STAG3: variants seen among roughly 807,000 people sequenced by gnomAD.
The protein encoded by STAG3 is STAG3 cohesin complex component.
A neutral mutation model predicts 160.7 loss-of-function variants in STAG3; 101 were observed. That is an observed-to-expected ratio of 0.63 (90% confidence interval 0.54 to 0.74). STAG3 has a LOEUF of 0.74. STAG3 is among the 30% of genes least tolerant of loss of function. The probability of loss-of-function intolerance (pLI) is 0.00; values close to 1 mark genes in which losing one functional copy is unlikely to be tolerated. For synonymous variants in STAG3, 519 were observed against 585.0 expected (o/e 0.89, Z 1.63); for missense variants, 1,188 against 1,517.4 (o/e 0.78, Z 3.61).
chr7:100,211,927 C>T, intron 32 of STAG3, 51 bp downstream of exon 32: 1 of 1,558,196 alleles, frequency 6.4e-7, no homozygotes, highest in South Asian at 1.1e-5. Context: ...GCTGATGTGC[C>T]AAAGAGAAGC....
At chr7:100,190,990 A>G (rs1023271899) in intron 8 of STAG3, among the ~76,000 whole-genome samples, 2 of 152,174 alleles carry the variant, frequency 1.3e-5, no homozygotes, top group African/African-American at 4.8e-5. Context: ...CGAAAATGAT[A>G]TGTTGTTCTT....
Position 100,199,041 on chromosome 7 carries a change from G to T in STAG3, c.1467+84G>T. On this transcript the variant is annotated intron_variant, in intron 14 of 33. Coordinates refer to ENST00000615138, the MANE Select transcript of STAG3 (RefSeq NM_001282717.2). ...TTGGTGGCTCACGCCTGTAAGCCCAGCACTTTGGGAGGCTGAGGTGGGAGG... is the reference window on the plus strand; with the variant it reads ...TTGGTGGCTCACGCCTGTAAGCCCATCACTTTGGGAGGCTGAGGTGGGAGG... 3 of 1,289,886 alleles carry T rather than the reference G, an allele frequency of 2.3e-6. No homozygotes were observed. In the South Asian group the frequency reaches 3.6e-5, roughly 15 times the overall value. 79.9% of individuals were successfully genotyped at this position (1,289,886 alleles called of 1,614,324 possible). A position where few individuals can be genotyped will look rare whatever the true frequency, so the allele number is the denominator to read the frequency against.
chr7:100,215,821 C>G (rs1026283825), downstream of STAG3, among the ~76,000 whole-genome samples: 9 of 152,124 alleles, frequency 5.9e-5, no homozygotes, highest in Non-Finnish European at 1.2e-4. Context: ...CTTTGTGATG[C>G]TTGACTAATA....
At chr7:100,211,604 G>T in intron 31 of STAG3, 65 bp downstream of exon 31, 1 of 1,562,614 alleles carries the variant, frequency 6.4e-7, no homozygotes, top group South Asian at 1.1e-5. Context: ...GGGGATTCCT[G>T]TCTCACCCAT....
intron 30 of STAG3, 95 bp from the exon 31 acceptor site, chr7:100,211,340 T>A: frequency 6.7e-7 from 1 of 1,499,298 alleles, no homozygotes; most frequent in South Asian, 1.2e-5. Context: ...TTAAAATGCA[T>A]CTCTCTGAGC....
chr7:100,208,477 G>C (rs1801866089), intron 29 of STAG3, among the ~76,000 whole-genome samples: 1 of 152,190 alleles, frequency 6.6e-6, no homozygotes, highest in Non-Finnish European at 1.5e-5. Context: ...TTCAGAGAAT[G>C]ATGAGAGCTT....
intron 8 of STAG3, among the ~76,000 whole-genome samples, chr7:100,192,964 A>T (rs375334958): frequency 6.6e-6 from 1 of 152,146 alleles, no homozygotes; most frequent in African/African-American, 2.4e-5. Context: ...TATGAAATGT[A>T]TTTCTGAAAT....
At position 100,180,624 on chromosome 7, in the gene STAG3, C is replaced by T. The variant is rs750661592; in HGVS notation, c.68C>T (p.Ser23Phe). 3.7e-6 allele frequency: 6 copies of T among 1,613,704 alleles called. No homozygotes were observed. The highest frequency in any genetic ancestry group is 3.3e-5 in the South Asian group (3 of 91,078). The change falls in exon 2 of 34, where the codon TCT becomes TTT. Residue 23 changes from serine (S) to phenylalanine (F), a missense_variant. By Grantham distance (155) the Ser-to-Phe change is radical (BLOSUM62 -2). This residue lies in a region of STAG3 where 296 missense variants were observed against 404.0 expected (regional missense o/e 0.73). Coordinates refer to ENST00000615138, the MANE Select transcript of STAG3 (RefSeq NM_001282717.2). ...KRALSASSSS[S>F]ASLPFDDRDS... ...GCCTTGTCTGCATCTTCTAGTTCCT[C>T]TGCCAGTCTACCCTTTGATGACAGG...
chr7:100,211,705 TC>T (rs1428241956), intron 31 of STAG3, 89 bp from the exon 32 acceptor site: 3 of 1,460,784 alleles, frequency 2.1e-6, no homozygotes. Context: ...TACTTACTGC[TC>T]CCCACTTCCC....
At chr7:100,187,794 T>A (rs1260408488) in intron 5 of STAG3, among the ~76,000 whole-genome samples, 2 of 151,318 alleles carry the variant, frequency 1.3e-5, no homozygotes, top group East Asian at 3.9e-4. Flanking sequence ...GTCTCACTTG[T>A]TGCCCAGGCT....
intron 10 of STAG3, 149 bp downstream of exon 10, chr7:100,197,428 C>A: frequency 1.8e-6 from 2 of 1,091,796 alleles, no homozygotes; most frequent in Non-Finnish European, 2.8e-6. Flanking sequence ...ATTCCCCTAG[C>A]ACTGGGGAGA....
rs1228534762 is a variant in STAG3, at chr7:100,211,849, A to C, written c.3573A>C (p.Ser1191=). The change falls in exon 32 of 34, where the codon TCA becomes TCC. Residue 1191 remains serine, a synonymous_variant. Coordinates refer to ENST00000615138, the MANE Select transcript of STAG3 (RefSeq NM_001282717.2). ...AAGAGTTAGAAATCCAGGATGAGTC[A>C]AATGAAGAACGGCAGGATACAGACA... ...EEEELEIQDE[S]NEERQDTDMQ... 1 of 1,614,152 alleles carries C rather than the reference A, an allele frequency of 6.2e-7. No homozygotes were observed. Among genetic ancestry groups the C allele is most frequent in the Non-Finnish European group, 8.5e-7 (1 of 1,180,022 alleles).
chr7:100,199,757 T>C, intron 16 of STAG3, 113 bp downstream of exon 16: 1 of 846,740 alleles, frequency 1.2e-6, no homozygotes, highest in Non-Finnish European at 1.8e-6. Flanking sequence ...TTAAAGAATT[T>C]CATTTCCAGA....
At chr7:100,211,961 T>C in intron 32 of STAG3, 85 bp downstream of exon 32, 2 of 1,258,784 alleles carry the variant, frequency 1.6e-6, no homozygotes, top group East Asian at 2.4e-5. Flanking sequence ...CTCTCTCCGC[T>C]CGGTGATGCC....
intron 29 of STAG3, among the ~76,000 whole-genome samples, chr7:100,208,314 A>G (rs1348549345): frequency 2.0e-5 from 3 of 152,184 alleles, no homozygotes; most frequent in Non-Finnish European, 4.4e-5. Flanking sequence ...GACCTACTAT[A>G]TGAAAGATAC....
chr7:100,182,454 A>G (rs1374958739), intron 3 of STAG3, among the ~76,000 whole-genome samples: 1 of 152,204 alleles, frequency 6.6e-6, no homozygotes, highest in African/African-American at 2.4e-5. Flanking sequence ...GGAAATAGGA[A>G]GAAGAGAAAT....
At position 100,197,892 on chromosome 7, in the gene STAG3, C is replaced by G. The variant is rs751304851; in HGVS notation, c.1164+16C>G. On this transcript the variant is annotated intron_variant, in intron 11 of 33. Transcript: ENST00000615138. The stretch of plus-strand genomic sequence containing the variant: ...CCGCTTCAAGGTAAAATGGGTGGTG[C>G]TCCATGGCTTGGCTCTTTGTCGTGG... The G allele has an allele frequency of 1.2e-6, 2 of 1,607,530 alleles. No homozygotes were observed. The highest frequency in any genetic ancestry group is 1.7e-6 in the Non-Finnish European group (2 of 1,174,104).
At chr7:100,213,885 C>G in intron 33 of STAG3, 79 bp downstream of exon 33, 1 of 1,613,000 alleles carries the variant, frequency 6.2e-7, no homozygotes, top group Non-Finnish European at 8.5e-7. Context: ...AATTGACAGG[C>G]CATAGCCTGG....
chr7:100,214,836 A>G (rs1201083123), downstream of STAG3: 2 of 152,088 alleles, frequency 1.3e-5, no homozygotes, highest in African/African-American at 4.8e-5. Flanking sequence ...TAAATGTCCA[A>G]CCCTAAAATC....
Sources: allele counts gnomAD v4.1 joint callset (sites outside exome capture counted in the v4.1 genomes callset), GRCh38; gene constraint gnomAD v4.1.1; regional missense constraint gnomAD v4.1.1; transcripts MANE v1.5; gene names NCBI Gene and HGNC (gene_info 2026-07-23, HGNC 2026-07-21).